The following TP53INP1 variants were observed in gnomAD, a reference collection of about 807,000 sequenced individuals.
TP53INP1 encodes the protein tumor protein p53-inducible nuclear protein 1.
TP53INP1 carries 12 observed loss-of-function variants against 21.0 expected under a neutral mutation model. That is an observed-to-expected ratio of 0.57 (90% CI 0.37 to 0.93). The LOEUF is 0.93. Ranked by LOEUF, TP53INP1 falls within the 40% of genes least tolerant of loss-of-function variation. TP53INP1 has a pLI of 0.01. For synonymous variants in TP53INP1, 91 were observed against 94.8 expected (o/e 0.96, Z 0.23); for missense variants, 274 against 294.7 (o/e 0.93, Z 0.51).
chr8:94,945,271 T>C (rs980963677), intron 1 of TP53INP1, among the ~76,000 whole-genome samples: 1 of 152,184 alleles, frequency 6.6e-6, no homozygotes, highest in Non-Finnish European at 1.5e-5. Context: ...ATGTGCTGTA[T>C]ATGTAAAGTA....
intron 3 of TP53INP1, among the ~76,000 whole-genome samples, chr8:94,931,902 G>A (rs894139513): frequency 1.3e-5 from 2 of 152,124 alleles, no homozygotes; most frequent in African/African-American, 4.8e-5. Context: ...AATCTGGGGG[G>A]TGGAGGCTGC....
intron 3 of TP53INP1, among the ~76,000 whole-genome samples, chr8:94,934,074 T>C (rs1281100073): frequency 6.7e-6 from 1 of 149,820 alleles, no homozygotes; most frequent in African/African-American, 2.5e-5. Flanking sequence ...TGAAACTCTG[T>C]CTCAAAAAAA....
chr8:94,940,956 TGA>T lies in TP53INP1; in HGVS notation c.-17_-16del, dbSNP rs778800050. 3 of 1,598,148 alleles carry T rather than the reference TGA, an allele frequency of 1.9e-6. No individual in the cohort carries two copies. The highest frequency in any genetic ancestry group is 1.3e-5 in the African/African-American group (1 of 74,558). On this transcript the variant is annotated 5_prime_UTR_variant, in exon 2 of 4. Transcript: ENST00000342697. ...CTCTGGAACATTGTTAAGGCAAGAC[TGA>T]GAGTTTGGCTGGATGTCTTTTATAG...
intron 3 of TP53INP1, among the ~76,000 whole-genome samples, chr8:94,931,579 A>T (rs552787151): frequency 1.8e-4 from 18 of 102,072 alleles, no homozygotes; most frequent in African/African-American, 7.3e-4. Context: ...GGAAACACAC[A>T]TATTTATTAC....
intron 1 of TP53INP1, among the ~76,000 whole-genome samples, chr8:94,943,478 C>A (rs756602301): frequency 6.6e-5 from 10 of 152,076 alleles, no homozygotes; most frequent in Non-Finnish European, 1.2e-4. Context: ...CACAGCGAGA[C>A]CTTGTCTCAA....
At chr8:94,935,410 C>T (rs76492371) in intron 3 of TP53INP1, among the ~76,000 whole-genome samples, 3,105 of 152,252 alleles carry the variant, frequency 0.02, 37 homozygotes, top group African/African-American at 0.032. Flanking sequence ...GGAGCAATCT[C>T]AGATATTTCC....
intron 1 of TP53INP1, among the ~76,000 whole-genome samples, chr8:94,942,261 C>A (rs186754219): frequency 6.6e-6 from 1 of 152,012 alleles, no homozygotes; most frequent in African/African-American, 2.4e-5. Context: ...AGGATGGTCT[C>A]GATCTCCTGA....
At position 94,928,191 on chromosome 8, in the gene TP53INP1, A is replaced by T. The variant is rs1307619445; in HGVS notation, c.*2288T>A. ...ATTTTTTGTTTTCTAGGTACAAAGC[A>T]TAAAAAACTAGCCCCAGGTAAGGCA... On this transcript the variant is annotated 3_prime_UTR_variant, in exon 4 of 4. Transcript: ENST00000342697. 6.6e-6 allele frequency: 1 copy of T among 151,882 alleles called. No individual in the cohort carries two copies. Among genetic ancestry groups the T allele is most frequent in the Non-Finnish European group, 1.5e-5 (1 of 67,998 alleles). 9.4% of individuals were successfully genotyped at this position (151,882 alleles called of 1,614,324 possible). A position where few individuals can be genotyped will look rare whatever the true frequency, so the allele number is the denominator to read the frequency against.
intron 3 of TP53INP1, chr8:94,932,229 C>A: frequency 1.0e-6 from 1 of 969,252 alleles, no homozygotes; most frequent in Non-Finnish European, 1.6e-6. Flanking sequence ...ATTAAAGGCA[C>A]GTACATGTGC....
chr8:94,931,399 C>T (rs1195925627), intron 3 of TP53INP1, among the ~76,000 whole-genome samples: 1 of 151,984 alleles, frequency 6.6e-6, no homozygotes, highest in African/African-American at 2.4e-5. Flanking sequence ...TCTTGAATAA[C>T]ACAATCTTAA....
rs1408547089 is a variant in TP53INP1 at position 94,927,667 on chromosome 8, TAA to T, written c.*2810_*2811del. 2 of 152,052 alleles carry T rather than the reference TAA, an allele frequency of 1.3e-5. No homozygotes were observed. Among genetic ancestry groups the T allele is most frequent in the African/African-American group, 2.4e-5 (1 of 41,374 alleles). The allele number at this position is 152,052 out of a possible 1,614,324, so 9.4% of individuals were successfully genotyped here. On this transcript the variant is annotated 3_prime_UTR_variant, in exon 4 of 4. Coordinates refer to ENST00000342697, the MANE Select transcript of TP53INP1 (RefSeq NM_033285.4). ...AATTAGTTGAGAAAAAAAATAAACA[TAA>T]GATATATATTATAAAATGTTTTGTC... is the stretch of plus-strand genomic sequence containing the variant.
At chr8:94,944,779 G>A (rs1379042177) in intron 1 of TP53INP1, among the ~76,000 whole-genome samples, 1 of 152,194 alleles carries the variant, frequency 6.6e-6, no homozygotes, top group Non-Finnish European at 1.5e-5. Flanking sequence ...CAGGTGGCTG[G>A]AGCTAAATTG....
At position 94,940,029 on chromosome 8, in the gene TP53INP1, G is replaced by C. The variant is rs200402440; in HGVS notation, c.304C>G (p.Pro102Ala). Residue 102 changes from proline to alanine, a missense_variant, in exon 3 of 4, where the codon CCA (proline) becomes GCA (alanine). By Grantham distance (27) the Pro-to-Ala change is conservative. Transcript: ENST00000342697. ...MEESWFITPPPCFTAGGLTTI... is the reference protein window; with the variant it reads ...MEESWFITPPACFTAGGLTTI... ...GTTAATCCACCTGCAGTAAAACATG[G>C]GGGTGGGGTGATAAACCAGCTCTCC... 81 of 1,614,166 alleles carry C rather than the reference G, an allele frequency of 5.0e-5. No individual in the cohort carries two copies. Among genetic ancestry groups the C allele is most frequent in the Non-Finnish European group, 6.4e-5 (76 of 1,180,020 alleles).
rs549581254 is a variant in TP53INP1 at position 94,946,809 on chromosome 8, T to C, written c.-151+2345A>G. Among the ~76,000 whole-genome samples the C allele has an allele frequency of 4.6e-5, 7 of 152,126 alleles. No homozygotes were observed. The East Asian group carries it at 1.4e-3, about 29-fold the overall frequency. On this transcript the variant is annotated intron_variant, in intron 1 of 3. Transcript: ENST00000342697. ...TACTAACATCTTGGTGTCTCTGTTT[T>C]CTCATCCTTAACATGGGAATGATAG...
chr8:94,944,691 G>A (rs561495066), intron 1 of TP53INP1, among the ~76,000 whole-genome samples: 17 of 152,312 alleles, frequency 1.1e-4, no homozygotes, highest in Admixed American at 3.3e-4. Context: ...CCCGTGGGAA[G>A]AACACAGAAT....
At chr8:94,941,694 T>C (rs985196078) in intron 1 of TP53INP1, among the ~76,000 whole-genome samples, 2 of 152,200 alleles carry the variant, frequency 1.3e-5, no homozygotes, top group Admixed American at 6.5e-5. Context: ...CCTTCCTGTG[T>C]AGCAGCTCAG....
At chr8:94,948,661 G>A (rs1221414230) in intron 1 of TP53INP1, among the ~76,000 whole-genome samples, 12 of 152,102 alleles carry the variant, frequency 7.9e-5, no homozygotes, top group Admixed American at 7.9e-4. Flanking sequence ...CCCAAGCGCC[G>A]CTGTCTTCGG....
intron 1 of TP53INP1, 140 bp from the exon 2 acceptor site, chr8:94,941,231 C>T: frequency 3.6e-6 from 1 of 281,308 alleles, no homozygotes; most frequent in Non-Finnish European, 6.6e-6. Context: ...CTGCAGGAGT[C>T]AAACACAAGA....
chr8:94,935,396 G>A (rs1244211460), intron 3 of TP53INP1, among the ~76,000 whole-genome samples: 1 of 152,156 alleles, frequency 6.6e-6, no homozygotes, highest in Admixed American at 6.5e-5. Flanking sequence ...TACTTTAGTG[G>A]GTGGGAGCAA....
Sources: gnomAD v4.1 joint callset for allele counts (sites outside exome capture counted in the v4.1 genomes callset) on GRCh38, gnomAD v4.1.1 for gene constraint, MANE v1.5 for transcripts, NCBI Gene and HGNC (gene_info 2026-07-23, HGNC 2026-07-21) for gene names.